ITGAV: variants seen among roughly 807,000 people sequenced by gnomAD.
The protein encoded by ITGAV is integrin subunit alpha V.
A neutral mutation model predicts 143.8 loss-of-function variants in ITGAV; 76 were observed. The ratio of observed to expected loss-of-function variants is 0.53; its 90% confidence interval spans 0.44 to 0.64. The LOEUF (loss-of-function observed/expected upper bound fraction) is 0.64. Ranked by LOEUF, ITGAV falls within the 30% of genes least tolerant of loss-of-function variation. ITGAV has a pLI of 0.00. For synonymous variants in ITGAV, 453 were observed against 446.7 expected, an observed-to-expected ratio of 1.01 and a Z score of -0.18; for missense variants, 1,193 against 1,274.7, an observed-to-expected ratio of 0.94 and a Z score of 0.98.
intron 15 of ITGAV, among the ~76,000 whole-genome samples, chr2:186,652,866 A>G (rs1688474351): frequency 6.8e-6 from 1 of 147,956 alleles, no homozygotes; most frequent in African/African-American, 2.5e-5. Context: ...TCTCTACTCC[A>G]TTCTTTCTCT....
intron 2 of ITGAV, among the ~76,000 whole-genome samples, chr2:186,616,754 G>A (rs1237715903): frequency 2.0e-5 from 3 of 151,904 alleles, no homozygotes; most frequent in Admixed American, 1.3e-4. Context: ...TATCTGTCTC[G>A]TTTAATGCTA....
chr2:186,607,231 G>A (rs1422384099), intron 2 of ITGAV, among the ~76,000 whole-genome samples: 1 of 152,044 alleles, frequency 6.6e-6, no homozygotes, highest in Admixed American at 6.5e-5. Flanking sequence ...GCTTAAAAGT[G>A]CCCTGTCCTC....
chr2:186,635,633 T>C (rs140043830), intron 6 of ITGAV, among the ~76,000 whole-genome samples: 174 of 152,354 alleles, frequency 1.1e-3, no homozygotes, highest in Admixed American at 2.9e-3. Context: ...AACAAGGTTG[T>C]GAACAAAGGT....
rs185762715 is a variant in ITGAV, at chr2:186,639,466, G to A, written c.903+1001G>A. On this transcript the variant is annotated intron_variant, in intron 10 of 29. Transcript: ENST00000261023. ...GACAGGCAGTTAGGGTTGCTGCAGGGGTGGTCCCTTTGTTCCGTTTTGACT... is the reference window on the plus strand; with the variant it reads ...GACAGGCAGTTAGGGTTGCTGCAGGAGTGGTCCCTTTGTTCCGTTTTGACT... Among the ~76,000 whole-genome samples, 41 of 152,192 alleles carry A rather than the reference G, an allele frequency of 2.7e-4. 1 individual carries two copies. Among genetic ancestry groups the A allele is most frequent in the Middle Eastern group, 3.4e-3 (1 of 294 alleles).
In ITGAV at chr2:186,659,117, A is replaced by G. The variant is rs750931686; in HGVS notation, c.1799A>G (p.Asp600Gly). Residue 600 changes from aspartate (D) to glycine (G), a missense_variant, in exon 18 of 30, where the codon GAT (aspartate) becomes GGT (glycine). Physicochemically the swap from Asp to Gly is moderately conservative, Grantham distance 94 (BLOSUM62 -1). Coordinates refer to ENST00000261023, the MANE Select transcript of ITGAV (RefSeq NM_002210.5). ...EYRLDYRTAA[D>G]TTGLQPILNQ... ...CGGTTGGATTATAGAACAGCTGCTG[A>G]TACAACAGGCTTGCAACCCATTCTT... 1 of 1,612,784 alleles carries G rather than the reference A, an allele frequency of 6.2e-7. No individual in the cohort carries two copies. The highest frequency in any genetic ancestry group is 8.5e-7 in the Non-Finnish European group (1 of 1,179,100).
intron 14 of ITGAV, among the ~76,000 whole-genome samples, chr2:186,650,471 A>T (rs1374590961): frequency 6.6e-6 from 1 of 151,840 alleles, no homozygotes; most frequent in Non-Finnish European, 1.5e-5. Flanking sequence ...AAATGCTGGG[A>T]TTACTGTTAT....
chr2:186,590,685 G>T lies in ITGAV; in HGVS notation c.185+162G>T, dbSNP rs548934813. The stretch of plus-strand genomic sequence containing the variant: ...TATATCCTGGGTGGAGGAAATATTT[G>T]GGGAAATGAACTCCCTTTGGTACCC... On this transcript the variant is annotated intron_variant, in intron 1 of 29. Transcript: ENST00000261023. Among the ~76,000 whole-genome samples, 120 of 152,140 alleles carry T rather than the reference G, an allele frequency of 7.9e-4. 2 individuals are homozygous for T. Among genetic ancestry groups the T allele is most frequent in the Non-Finnish European group, 4.1e-4 (28 of 67,990 alleles).
chr2:186,657,437 A>G (rs1688622127), intron 17 of ITGAV, among the ~76,000 whole-genome samples: 1 of 152,210 alleles, frequency 6.6e-6, no homozygotes, highest in African/African-American at 2.4e-5. Context: ...TTAGAAATCC[A>G]TAACAAAAAG....
At chr2:186,629,239 G>A (rs1013123263) in intron 4 of ITGAV, among the ~76,000 whole-genome samples, 3 of 151,918 alleles carry the variant, frequency 2.0e-5, no homozygotes. Flanking sequence ...CTTTAAATTG[G>A]CAAAAGCACT....
At chr2:186,644,125 G>C (rs1056752463) in intron 12 of ITGAV, among the ~76,000 whole-genome samples, 1 of 152,042 alleles carries the variant, frequency 6.6e-6, no homozygotes, top group African/African-American at 2.4e-5. Context: ...TGTATTTTTT[G>C]TAGAGATGGG....
Position 186,602,076 on chromosome 2 carries a change from G to A in ITGAV, c.241G>A (p.Val81Met). ...AGCAAACACCACCCAGCCTGGGATT[G>A]TGGAAGGAGGGCAGGTCCTCAAATG... ...PKANTTQPGIVEGGQVLKCDW... is the reference protein window; with the variant it reads ...PKANTTQPGIMEGGQVLKCDW... Residue 81 changes from valine to methionine, a missense_variant, in exon 2 of 30, where the codon GTG becomes ATG. Transcript: ENST00000261023. 6.2e-7 allele frequency: 1 copy of A among 1,613,542 alleles called. No homozygotes were observed. The highest frequency in any genetic ancestry group is 8.5e-7 in the Non-Finnish European group (1 of 1,179,664).
chr2:186,620,781 T>C (rs1425254990), intron 2 of ITGAV, among the ~76,000 whole-genome samples: 1 of 152,130 alleles, frequency 6.6e-6, no homozygotes, highest in African/African-American at 2.4e-5. Context: ...TGTAGGGGAT[T>C]GATTAAATAA....
intron 2 of ITGAV, among the ~76,000 whole-genome samples, chr2:186,615,154 T>G (rs759162349): frequency 1.3e-5 from 2 of 152,128 alleles, no homozygotes; most frequent in Non-Finnish European, 2.9e-5. Flanking sequence ...CATTCCATTT[T>G]TATTGCCTAA....
intron 16 of ITGAV, among the ~76,000 whole-genome samples, chr2:186,655,821 GTGTT>G (rs1688567562): frequency 6.6e-6 from 1 of 152,162 alleles, no homozygotes; most frequent in African/African-American, 2.4e-5. Context: ...ATTCATCATA[GTGTT>G]TAATATGATG....
intron 2 of ITGAV, among the ~76,000 whole-genome samples, chr2:186,604,296 G>A (rs901299541): frequency 7.9e-5 from 12 of 151,774 alleles, no homozygotes; most frequent in Admixed American, 3.9e-4. Context: ...TCTAACAATA[G>A]AAATCTCTTG....
At chr2:186,604,503 A>G (rs1687002796) in intron 2 of ITGAV, among the ~76,000 whole-genome samples, 1 of 152,224 alleles carries the variant, frequency 6.6e-6, no homozygotes, top group African/African-American at 2.4e-5. Context: ...ATGTGAATAT[A>G]TCTGTATGAT....
chr2:186,630,295 T>G (rs1472857295), intron 4 of ITGAV, among the ~76,000 whole-genome samples: 1 of 151,860 alleles, frequency 6.6e-6, no homozygotes, highest in Non-Finnish European at 1.5e-5. Flanking sequence ...AATTTTTAAC[T>G]TGCAGATCAC....
intron 21 of ITGAV, among the ~76,000 whole-genome samples, chr2:186,666,300 T>A (rs754912283): frequency 1.1e-4 from 17 of 152,230 alleles, no homozygotes; most frequent in Non-Finnish European, 2.2e-4. Context: ...TCTTTAGCCA[T>A]GTTCCCTTAC....
intron 1 of ITGAV, among the ~76,000 whole-genome samples, chr2:186,596,600 T>C (rs1402986056): frequency 1.3e-5 from 2 of 152,112 alleles, no homozygotes; most frequent in Non-Finnish European, 2.9e-5. Context: ...GGTTTCACCA[T>C]GTTGGCCAGG....
Sources: gnomAD v4.1 joint callset for allele counts (sites outside exome capture counted in the v4.1 genomes callset) on GRCh38, gnomAD v4.1.1 for gene constraint, MANE v1.5 for transcripts, NCBI Gene and HGNC (gene_info 2026-07-23, HGNC 2026-07-21) for gene names.